CHN1: variants seen among roughly 807,000 people sequenced by gnomAD.
The protein encoded by CHN1 is chimerin 1.
CHN1 carries 37 observed loss-of-function variants against 59.5 expected under a neutral mutation model. The observed-to-expected ratio is 0.62, with a 90% CI of 0.48 to 0.82. The LOEUF is 0.82. CHN1 is among the 40% of genes least tolerant of loss of function. The probability of loss-of-function intolerance (pLI) is 0.00; values close to 1 mark genes in which losing one functional copy is unlikely to be tolerated. For synonymous variants in CHN1, 206 were observed against 200.4 expected (o/e 1.03, Z -0.24); for missense variants, 469 against 571.0 (o/e 0.82, Z 1.82).
intron 2 of CHN1, among the ~76,000 whole-genome samples, chr2:174,947,913 G>A (rs552259007): frequency 6.6e-6 from 1 of 152,256 alleles, no homozygotes; most frequent in African/African-American, 2.4e-5. Context: ...TGGAATTTCT[G>A]ATAATTTGAA....
intron 11 of CHN1, among the ~76,000 whole-genome samples, chr2:174,805,493 G>A (rs934111865): frequency 5.9e-5 from 9 of 152,274 alleles, no homozygotes; most frequent in South Asian, 2.1e-4. Flanking sequence ...AAGGGATTCC[G>A]GTGAAGTAGG....
intron 6 of CHN1, among the ~76,000 whole-genome samples, chr2:174,864,109 G>A (rs1687144357): frequency 1.3e-5 from 2 of 151,988 alleles, no homozygotes; most frequent in South Asian, 2.1e-4. Context: ...AGACCTGAGA[G>A]GGTTTCTGTT....
intron 9 of CHN1, chr2:174,812,004 A>T (rs1015374389): frequency 3.6e-6 from 1 of 278,160 alleles, no homozygotes; most frequent in African/African-American, 2.2e-5. Context: ...TTTGAACCAA[A>T]GAAAAATTTA....
At chr2:174,960,147 A>T (rs920783516) in intron 1 of CHN1, among the ~76,000 whole-genome samples, 1 of 152,200 alleles carries the variant, frequency 6.6e-6, no homozygotes, top group African/African-American at 2.4e-5. Flanking sequence ...AAAACATGAG[A>T]GTGTAACAGG....
chr2:174,997,936 G>A (rs1574258075), intron 1 of CHN1, among the ~76,000 whole-genome samples: 1 of 149,298 alleles, frequency 6.7e-6, no homozygotes, highest in East Asian at 2.0e-4. Context: ...GCAGTGAGCT[G>A]AGACGATGCC....
chr2:174,998,851 C>A (rs554956632), intron 1 of CHN1, among the ~76,000 whole-genome samples: 5 of 152,168 alleles, frequency 3.3e-5, no homozygotes, highest in African/African-American at 1.2e-4. Context: ...TAAAACCATT[C>A]TTTTCTTCTA....
rs189534553 is a variant in CHN1 at position 174,957,588 on chromosome 2, A to G, written c.20-5386T>C. ...ATTTCCTTGATATTCTGCTGTTATT[A>G]TAATTCAATCCTAAGGAGTATGACG... On this transcript the variant is annotated intron_variant, in intron 1 of 12. Coordinates refer to ENST00000409900, the MANE Select transcript of CHN1 (RefSeq NM_001822.7). 2.6e-5 allele frequency among the ~76,000 whole-genome samples: 4 copies of G among 152,216 alleles called. No homozygotes were observed. The East Asian group carries it at 7.7e-4, about 29-fold the overall frequency.
rs557748564 is a variant in CHN1, at chr2:174,847,581, T to C, written c.550-624A>G. On this transcript the variant is annotated intron_variant, in intron 6 of 12. Transcript: ENST00000409900. ...AATCAGTTTCTAGCAACAGACACCCTATGAAGCCCCTAGCAGGGAAGGTGG... is the reference window on the plus strand; with the variant it reads ...AATCAGTTTCTAGCAACAGACACCCCATGAAGCCCCTAGCAGGGAAGGTGG... 39 of 1,293,508 alleles carry C rather than the reference T, an allele frequency of 3.0e-5. No individual in the cohort carries two copies. In the African/African-American group the frequency reaches 4.2e-4, roughly 14 times the overall value. The allele number at this position is 1,293,508 out of a possible 1,614,324, so 80.1% of individuals were successfully genotyped here. A position where few individuals can be genotyped will look rare whatever the true frequency, so the allele number is the denominator to read the frequency against.
At chr2:174,805,261 G>GT (rs1433278727) in intron 11 of CHN1, among the ~76,000 whole-genome samples, 2 of 152,362 alleles carry the variant, frequency 1.3e-5, no homozygotes, top group Non-Finnish European at 2.9e-5. Flanking sequence ...GAAGCAGTGA[G>GT]TGAGCCTTGC....
Position 175,004,972 on chromosome 2 carries a change from C to A in CHN1, c.-60G>T. ...CGCTCCTCCCAGGCGGGCTAGGGAT[C>A]ACCTCATCAGCCCGCCGCACCCACA... On this transcript the variant is annotated 5_prime_UTR_variant, in exon 1 of 13. An upstream open reading frame in the 5' UTR loses its in-frame stop. Transcript: ENST00000409900. 1 of 1,513,174 alleles carries A rather than the reference C, an allele frequency of 6.6e-7. No individual in the cohort carries two copies. The allele number at this position is 1,513,174 out of a possible 1,614,324, so 93.7% of individuals were successfully genotyped here. A position where few individuals can be genotyped will look rare whatever the true frequency, so the allele number is the denominator to read the frequency against.
rs145586322 is a variant in CHN1, at chr2:174,907,549, T to C, written c.260+7509A>G. Reference sequence around the variant, plus strand: ...TTGGAGATTTAGGAGGTATTATCTTTTGTTTTGACCCAACATTGCAACTAA... The same window carrying C: ...TTGGAGATTTAGGAGGTATTATCTTCTGTTTTGACCCAACATTGCAACTAA... On this transcript the variant is annotated intron_variant, in intron 5 of 12. Transcript: ENST00000409900. Among the ~76,000 whole-genome samples the C allele has an allele frequency of 4.4e-3, 673 of 152,274 alleles. 6 individuals carry two copies. The highest frequency in any genetic ancestry group is 0.015 in the African/African-American group (635 of 41,558).
chr2:174,857,456 G>A lies in CHN1; in HGVS notation c.550-10499C>T, dbSNP rs141792077. Among the ~76,000 whole-genome samples the A allele has an allele frequency of 1.4e-4, 22 of 152,064 alleles. No individual in the cohort carries two copies. The East Asian group carries it at 4.2e-3, about 29-fold the overall frequency. On this transcript the variant is annotated intron_variant, in intron 6 of 12. Transcript: ENST00000409900. ...AATTCTTGGAGGGTGGCAGATTGTG[G>A]TCCTGATGTATTGGTAACAACCTAT...
chr2:174,876,431 T>C (rs1213684959), intron 6 of CHN1, among the ~76,000 whole-genome samples: 1 of 152,080 alleles, frequency 6.6e-6, no homozygotes, highest in Admixed American at 6.6e-5. Context: ...TACTAAAAAA[T>C]GCCATAAATG....
At position 174,849,480 on chromosome 2, in the gene CHN1, C is replaced by CA. The variant is rs1235411992; in HGVS notation, c.550-2524dup. 4.6e-5 allele frequency among the ~76,000 whole-genome samples: 7 copies of CA among 152,264 alleles called. No homozygotes were observed. The East Asian group carries it at 1.2e-3, about 25-fold the overall frequency. ...AAGGGTTTGGTCACTATTATGCCTT[C>CA]AACATGGCAGTAACTGCACTTCTGC... On this transcript the variant is annotated intron_variant, in intron 6 of 12. Coordinates refer to ENST00000409900, the MANE Select transcript of CHN1 (RefSeq NM_001822.7).
At chr2:174,815,403 A>T (rs190246822) in intron 8 of CHN1, among the ~76,000 whole-genome samples, 254 of 152,202 alleles carry the variant, frequency 1.7e-3, no homozygotes, top group African/African-American at 5.8e-3. Context: ...TAAAAAATAC[A>T]TATTTTCTCT....
intron 5 of CHN1, among the ~76,000 whole-genome samples, chr2:174,890,076 C>T (rs1022400511): frequency 9.2e-5 from 14 of 152,074 alleles, no homozygotes; most frequent in African/African-American, 3.1e-4. Context: ...CCTCCATTAT[C>T]CATAATTAGT....
At chr2:174,854,866 A>G (rs538533750) in intron 6 of CHN1, among the ~76,000 whole-genome samples, 1 of 152,318 alleles carries the variant, frequency 6.6e-6, no homozygotes, top group Admixed American at 6.5e-5. Flanking sequence ...GTTCTATGCA[A>G]TGTGAGCTCA....
At chr2:174,852,411 T>C (rs11891587) in intron 6 of CHN1, among the ~76,000 whole-genome samples, 6,826 of 152,108 alleles carry the variant, frequency 0.045, 483 homozygotes, top group African/African-American at 0.15. Flanking sequence ...CTACAAAACA[T>C]TGCTGAAAGA....
At chr2:174,979,991 C>T (rs1295602228) in intron 1 of CHN1, among the ~76,000 whole-genome samples, 1 of 152,084 alleles carries the variant, frequency 6.6e-6, no homozygotes, top group African/African-American at 2.4e-5. Flanking sequence ...TTTATATGTA[C>T]CATCTGACTC....
Sources: allele counts gnomAD v4.1 joint callset (sites outside exome capture counted in the v4.1 genomes callset), GRCh38; gene constraint gnomAD v4.1.1; transcripts MANE v1.5; gene names NCBI Gene and HGNC (gene_info 2026-07-23, HGNC 2026-07-21).